Variants in ATAD2B observed in about 807,000 individuals in gnomAD.
ATAD2B encodes the protein ATPase family AAA domain-containing protein 2B.
ATAD2B carries 40 observed loss-of-function variants against 167.6 expected under a neutral mutation model. The observed-to-expected ratio is 0.24, with a 90% CI of 0.19 to 0.31. The LOEUF is 0.31. Ranked by LOEUF, ATAD2B falls within the 10% of genes least tolerant of loss-of-function variation. The probability of loss-of-function intolerance (pLI) is 1.00; values close to 1 mark genes in which losing one functional copy is unlikely to be tolerated. For synonymous variants in ATAD2B, 579 were observed against 596.5 expected, an observed-to-expected ratio of 0.97 and a Z score of 0.43; for missense variants, 1,242 against 1,757.2, an observed-to-expected ratio of 0.71 and a Z score of 5.24.
At chr2:23,834,152 C>CTTT (rs11378615) in intron 13 of ATAD2B, 74 bp from the exon 14 acceptor site, 1,767 of 119,532 alleles carry the variant, frequency 0.015, 310 homozygotes, top group South Asian at 0.028. Flanking sequence ...ATCAGTCTTT[C>CTTT]TTTTTTTTTT....
chr2:23,707,905 A>T, the ATAD2B span: 4 of 152,302 alleles, frequency 2.6e-5, no homozygotes, highest in Admixed American at 2.6e-4. Context: ...GGGAGGTCAC[A>T]CCATGGCTCA....
chr2:23,797,799 T>C (rs1388181152), intron 19 of ATAD2B, among the ~76,000 whole-genome samples: 1 of 152,096 alleles, frequency 6.6e-6, no homozygotes, highest in Non-Finnish European at 1.5e-5. Context: ...TCACGTGAGG[T>C]GTCAAATTTT....
At chr2:23,907,991 A>C (rs945584007) in intron 1 of ATAD2B, among the ~76,000 whole-genome samples, 23 of 152,098 alleles carry the variant, frequency 1.5e-4, no homozygotes, top group African/African-American at 4.8e-4. Context: ...AATCAATTCA[A>C]GATGGATTAA....
chr2:23,715,506 G>A, the ATAD2B span, among the ~76,000 whole-genome samples: 3 of 151,956 alleles, frequency 2.0e-5, no homozygotes, highest in East Asian at 1.9e-4. Context: ...CCTGGGAGGC[G>A]GAGCTTGCAG....
intron 18 of ATAD2B, 144 bp from the exon 19 acceptor site, chr2:23,798,467 C>T (rs547606206): frequency 8.8e-6 from 5 of 566,018 alleles, no homozygotes; most frequent in Non-Finnish European, 1.5e-5. Context: ...ATATGATGCA[C>T]AAGCCTTACA....
At chr2:23,777,040 T>A in intron 22 of ATAD2B, among the ~76,000 whole-genome samples, 1 of 152,018 alleles carries the variant, frequency 6.6e-6, no homozygotes, top group Non-Finnish European at 1.5e-5. Flanking sequence ...CCAATCTGAC[T>A]GATGTCCTTA....
intron 13 of ATAD2B, among the ~76,000 whole-genome samples, chr2:23,842,401 A>G (rs1230014801): frequency 6.6e-6 from 1 of 152,212 alleles, no homozygotes; most frequent in Non-Finnish European, 1.5e-5. Flanking sequence ...AAGCCTATGC[A>G]TTATAATACA....
At chr2:23,731,375 T>A in the ATAD2B span, among the ~76,000 whole-genome samples, 32 of 152,334 alleles carry the variant, frequency 2.1e-4, no homozygotes, top group South Asian at 8.3e-4. Context: ...ACATTAGAAC[T>A]CACCATTCTG....
the ATAD2B span, chr2:23,684,489 A>G: frequency 6.4e-7 from 1 of 1,551,134 alleles, no homozygotes; most frequent in South Asian, 1.2e-5. This position sits in a 1 kb window ranked among gnomAD's most constrained non-coding sequence, Gnocchi z 4.4. Flanking sequence ...GAAGTCCACC[A>G]AAATGTTCTA....
chr2:23,754,122 C>T, intron 27 of ATAD2B, 57 bp downstream of exon 27: 3 of 1,384,194 alleles, frequency 2.2e-6, no homozygotes, highest in African/African-American at 1.5e-5. Flanking sequence ...TTCCTCTTTT[C>T]TTTGGAACAA....
At chr2:23,754,609 C>T (rs1433969548) in intron 26 of ATAD2B, 38 bp downstream of exon 26, 5 of 1,596,358 alleles carry the variant, frequency 3.1e-6, no homozygotes, top group Non-Finnish European at 4.3e-6. Context: ...AATCTCCGTC[C>T]ATTCATTTAA....
At chr2:23,691,918 C>T in the ATAD2B span, 1 of 1,524,188 alleles carries the variant, frequency 6.6e-7, no homozygotes, top group East Asian at 2.5e-5. Flanking sequence ...GGGAAGAGTG[C>T]AGATGGGCGG....
At chr2:23,793,908 C>T (rs1029444527) in intron 19 of ATAD2B, among the ~76,000 whole-genome samples, 22 of 152,054 alleles carry the variant, frequency 1.4e-4, no homozygotes, top group Non-Finnish European at 3.2e-4. Context: ...GATATTAACA[C>T]TAACATTAAA....
rs149691043 is a variant in ATAD2B at position 23,826,428 on chromosome 2, C to T, written c.1819+2421G>A. ...TGAAAATATACTACAGCCTTTTAGGCGTTAAAAGTTAATATTAAAGAAATT... is the reference window on the plus strand; with the variant it reads ...TGAAAATATACTACAGCCTTTTAGGTGTTAAAAGTTAATATTAAAGAAATT... On this transcript the variant is annotated intron_variant, in intron 15 of 27. Transcript: ENST00000238789. 1.5e-4 allele frequency among the ~76,000 whole-genome samples: 23 copies of T among 152,148 alleles called. No individual in the cohort carries two copies. The East Asian group carries it at 4.2e-3, about 28-fold the overall frequency.
chr2:23,813,321 T>C (rs960627097), intron 17 of ATAD2B, among the ~76,000 whole-genome samples: 2 of 148,264 alleles, frequency 1.3e-5, no homozygotes, highest in Non-Finnish European at 3.0e-5. Context: ...GTTGTTATTT[T>C]ATAATATATT....
chr2:23,847,953 A>G (rs1226796419), intron 13 of ATAD2B, among the ~76,000 whole-genome samples: 3 of 149,208 alleles, frequency 2.0e-5, no homozygotes, highest in Admixed American at 6.8e-5. Context: ...AGATCGCACC[A>G]CTGCACTCTG....
At chr2:23,771,984 C>G (rs1256354862) in intron 22 of ATAD2B, among the ~76,000 whole-genome samples, 2 of 152,202 alleles carry the variant, frequency 1.3e-5, no homozygotes, top group Non-Finnish European at 2.9e-5. Context: ...TATGCCTGGG[C>G]TGCTCCTCCT....
At position 23,819,939 on chromosome 2, in the gene ATAD2B, C is replaced by T. The variant is rs1687199669; in HGVS notation, c.2132-57G>A. The T allele has an allele frequency of 1.2e-5, 15 of 1,262,918 alleles. No homozygotes were observed. The Admixed American group carries it at 1.4e-4, about 11-fold the overall frequency. The allele number at this position is 1,262,918 out of a possible 1,614,324, so 78.2% of individuals were successfully genotyped here. A position where few individuals can be genotyped will look rare whatever the true frequency, so the allele number is the denominator to read the frequency against. ...TTATAAAGTCATTTAATATTCGTGC[C>T]CTACCAAAGCTAAGAAAAATTGGGT... is the stretch of plus-strand genomic sequence containing the variant. On this transcript the variant is annotated intron_variant, in intron 16 of 27. Coordinates refer to ENST00000238789, the MANE Select transcript of ATAD2B (RefSeq NM_017552.4).
At chr2:23,693,249 T>C in the ATAD2B span, 2 of 1,535,994 alleles carry the variant, frequency 1.3e-6, no homozygotes, top group African/African-American at 2.8e-5. Context: ...GGGTCAGTGG[T>C]CCTGCGCTGT....
Sources: gnomAD v4.1 joint callset for allele counts (sites outside exome capture counted in the v4.1 genomes callset) on GRCh38, gnomAD v4.1.1 for gene constraint, Gnocchi (gnomAD v3.1) non-coding constraint, MANE v1.5 for transcripts, NCBI Gene and HGNC (gene_info 2026-07-23, HGNC 2026-07-21) for gene names.